The following RANBP2 variants were observed in gnomAD, a reference collection of about 807,000 sequenced individuals.
RANBP2 encodes the protein RAN binding protein 2.
RANBP2 carries 57 observed loss-of-function variants against 303.6 expected under a neutral mutation model. The ratio of observed to expected loss-of-function variants is 0.19; its 90% CI spans 0.15 to 0.23. The LOEUF is 0.23. Ranked by LOEUF, RANBP2 falls within the 10% of genes least tolerant of loss-of-function variation. The pLI, the probability that RANBP2 is intolerant of heterozygous loss-of-function variation, is 1.00. For missense variants in RANBP2, 3,138 were observed against 3,780.8 expected (o/e 0.83, Z 4.46); for synonymous variants, 1,167 against 1,301.5 (o/e 0.90, Z 2.23).
chr2:109,519,309 T>C, the RANBP2 span, among the ~76,000 whole-genome samples: 1 of 152,106 alleles, frequency 6.6e-6, no homozygotes, highest in Non-Finnish European at 1.5e-5. Context: ...CCTTAGAAAC[T>C]GCCCCCATGA....
At chr2:108,958,390 A>AT in the RANBP2 span, among the ~76,000 whole-genome samples, 39,826 of 151,710 alleles carry the variant, frequency 0.26, 9,751 homozygotes, top group East Asian at 0.94. Context: ...TAACCATGAA[A>AT]TAGTTATTCC....
chr2:109,618,504 CA>C, the RANBP2 span: 1 of 166,960 alleles, frequency 6.0e-6, no homozygotes, highest in Non-Finnish European at 1.5e-5. Flanking sequence ...TTTAAATTTT[CA>C]AAAACCCATT....
chr2:108,766,890 C>T lies in RANBP2; in HGVS notation c.6351C>T (p.Ala2117=), dbSNP rs1424069210. The change falls in exon 20 of 29, where the codon GCC becomes GCT. Residue 2117 remains alanine (A), a synonymous_variant. Coordinates refer to ENST00000283195, the MANE Select transcript of RANBP2 (RefSeq NM_006267.5). ...WLASDFSDGD[A]KLEQLAAKFK... is the part of the protein sequence containing the mutation. ...CCAGTGATTTCTCTGATGGTGATGCCAAACTAGAGCAGTTGGCAGCAAAAT... is the reference window on the plus strand; with the variant it reads ...CCAGTGATTTCTCTGATGGTGATGCTAAACTAGAGCAGTTGGCAGCAAAAT... 1 of 1,610,944 alleles carries T rather than the reference C, an allele frequency of 6.2e-7. No homozygotes were observed. The highest frequency in any genetic ancestry group is 8.5e-7 in the Non-Finnish European group (1 of 1,179,862).
the RANBP2 span, among the ~76,000 whole-genome samples, chr2:109,499,724 G>A: frequency 6.6e-6 from 1 of 152,216 alleles, no homozygotes; most frequent in African/African-American, 2.4e-5. Flanking sequence ...CCTCCTCTGT[G>A]GCTTGCAGGA....
the RANBP2 span, among the ~76,000 whole-genome samples, chr2:109,225,517 A>G: frequency 6.6e-6 from 1 of 152,072 alleles, no homozygotes; most frequent in African/African-American, 2.4e-5. Context: ...GCCCACTCAC[A>G]CTCACCATGT....
the RANBP2 span, among the ~76,000 whole-genome samples, chr2:109,217,974 C>T: frequency 1.3e-5 from 2 of 152,180 alleles, no homozygotes; most frequent in African/African-American, 4.8e-5. Context: ...TTGCTCCTGC[C>T]GGTTGCCTTC....
the RANBP2 span, among the ~76,000 whole-genome samples, chr2:109,296,835 C>A: frequency 6.6e-6 from 1 of 152,140 alleles, no homozygotes; most frequent in Non-Finnish European, 1.5e-5. Context: ...CTGCCAGTGG[C>A]CCCCAAGGCG....
chr2:108,892,736 C>G, the RANBP2 span, among the ~76,000 whole-genome samples: 1 of 152,164 alleles, frequency 6.6e-6, no homozygotes, highest in Non-Finnish European at 1.5e-5. Context: ...CTGGAAGTCT[C>G]TTATTCACCC....
chr2:109,668,238 G>C, the RANBP2 span, among the ~76,000 whole-genome samples: 2 of 152,214 alleles, frequency 1.3e-5, no homozygotes, highest in Admixed American at 6.5e-5. Flanking sequence ...TGGTTATGTG[G>C]ATTCTCTTAC....
At chr2:109,350,049 G>A in the RANBP2 span, among the ~76,000 whole-genome samples, 3 of 152,234 alleles carry the variant, frequency 2.0e-5, no homozygotes, top group African/African-American at 2.4e-5. Context: ...GAGCTGCATC[G>A]GATCACCAGG....
the RANBP2 span, among the ~76,000 whole-genome samples, chr2:109,683,060 C>T: frequency 6.6e-6 from 1 of 152,234 alleles, no homozygotes; most frequent in East Asian, 1.9e-4. Context: ...GGCTGGAGTG[C>T]AGTGGCGTGA....
chr2:109,548,848 A>G, the RANBP2 span, among the ~76,000 whole-genome samples: 69,592 of 148,768 alleles, frequency 0.47, 17,090 homozygotes, highest in African/African-American at 0.61. Context: ...AGAGACTGAG[A>G]GAAGAAACCA....
intron 9 of RANBP2, among the ~76,000 whole-genome samples, chr2:108,749,512 G>C (rs2149211836): frequency 6.6e-6 from 1 of 152,024 alleles, no homozygotes; most frequent in East Asian, 2.0e-4. Flanking sequence ...TGGTCAGGCT[G>C]GTCTCAAACT....
chr2:109,611,279 G>C, the RANBP2 span, among the ~76,000 whole-genome samples: 1 of 152,132 alleles, frequency 6.6e-6, no homozygotes, highest in African/African-American at 2.4e-5. Flanking sequence ...GTTAGGCAAA[G>C]AGTTCTTAAA....
the RANBP2 span, among the ~76,000 whole-genome samples, chr2:109,778,356 C>A: frequency 1.4e-5 from 2 of 146,210 alleles, 1 homozygote; most frequent in Non-Finnish European, 3.0e-5. Context: ...GTTTAAATGG[C>A]ATAACAGATA....
At chr2:109,140,737 C>A in the RANBP2 span, among the ~76,000 whole-genome samples, 2 of 152,134 alleles carry the variant, frequency 1.3e-5, no homozygotes, top group Admixed American at 6.5e-5. Context: ...TGCAAAAGGC[C>A]TATGTGCTCT....
At chr2:109,470,201 C>T in the RANBP2 span, among the ~76,000 whole-genome samples, 1 of 152,100 alleles carries the variant, frequency 6.6e-6, no homozygotes, top group Non-Finnish European at 1.5e-5. Context: ...GACCTCACTA[C>T]GTAAAGAGAT....
the RANBP2 span, among the ~76,000 whole-genome samples, chr2:109,296,358 G>C: frequency 1.3e-5 from 2 of 152,014 alleles, no homozygotes; most frequent in Non-Finnish European, 2.9e-5. Flanking sequence ...CTCCCGAGTA[G>C]CTGGGATTAC....
At chr2:109,556,580 A>C in the RANBP2 span, among the ~76,000 whole-genome samples, 2 of 152,134 alleles carry the variant, frequency 1.3e-5, no homozygotes, top group Non-Finnish European at 2.9e-5. Context: ...AAATGTGCAA[A>C]ATACCCTAGA....
Sources: gnomAD v4.1 joint callset for allele counts (sites outside exome capture counted in the v4.1 genomes callset) on GRCh38, gnomAD v4.1.1 for gene constraint, MANE v1.5 for transcripts, NCBI Gene and HGNC (gene_info 2026-07-23, HGNC 2026-07-21) for gene names.